RAB44: variants seen among roughly 807,000 people sequenced by gnomAD.
RAB44 encodes the protein RAB44, member RAS oncogene family.
RAB44 carries 67 observed loss-of-function variants against 93.3 expected under a neutral mutation model. The observed-to-expected ratio is 0.72, with a 90% CI of 0.59 to 0.88. RAB44 has a LOEUF of 0.88. Among genes scored for constraint, RAB44 ranks in the 40% least tolerant of loss-of-function variants. RAB44 has a pLI of 0.00. For missense variants in RAB44, 1,064 were observed against 1,261.7 expected, an observed-to-expected ratio of 0.84 and a Z score of 2.37; for synonymous variants, 427 against 520.3, an observed-to-expected ratio of 0.82 and a Z score of 2.44.
chr6:36,717,937 G>T lies in RAB44; in HGVS notation c.642-91G>T. 2 of 703,950 alleles carry T rather than the reference G, an allele frequency of 2.8e-6. No individual in the cohort carries two copies. Among genetic ancestry groups the T allele is most frequent in the Non-Finnish European group, 4.0e-6 (2 of 506,250 alleles). The allele number at this position is 703,950 out of a possible 1,614,324, so 43.6% of individuals were successfully genotyped here. A position where few individuals can be genotyped will look rare whatever the true frequency, so the allele number is the denominator to read the frequency against. On this transcript the variant is annotated intron_variant, in intron 5 of 13. Transcript: ENST00000612677. The surrounding 1 kb of genome is among the most constrained non-coding windows in gnomAD (Gnocchi z 4.1). ...GCAGAGTGAGGAAAGCAATAGGATGGATTCCAAACCCAAGCCCAGACTGCC... is the reference window on the plus strand; with the variant it reads ...GCAGAGTGAGGAAAGCAATAGGATGTATTCCAAACCCAAGCCCAGACTGCC...
Position 36,718,513 on chromosome 6 carries a change from C to T in RAB44, c.753C>T (p.Ala251=). ...LQAESDSRGL[A]LTSQMQDVLE... ...CACAGAGCGACTCTCGGGGCCTGGC[C>T]CTCACCTCCCAGATGCAGGACGTCC... is the stretch of plus-strand genomic sequence containing the variant. Residue 251 remains alanine (A), a synonymous_variant, in exon 7 of 14, where the codon GCC becomes GCT. Coordinates refer to ENST00000612677, the MANE Select transcript of RAB44 (RefSeq NM_001257357.2). 1.6e-6 allele frequency: 2 copies of T among 1,233,490 alleles called. No homozygotes were observed. The highest frequency in any genetic ancestry group is 1.0e-6 in the Non-Finnish European group (1 of 987,946). 76.4% of individuals were successfully genotyped at this position (1,233,490 alleles called of 1,614,324 possible).
At position 36,732,408 on chromosome 6, in the gene RAB44, TA is replaced by T. The variant is rs1212006392; in HGVS notation, c.*316del. On this transcript the variant is annotated 3_prime_UTR_variant, in exon 14 of 14. Transcript: ENST00000612677. Reference sequence around the variant, plus strand: ...CCGCACATCTGTGGGTGTAAAATTTTAGGGAGAATGTGGGGGGGGGGTGTTA... The same window carrying T: ...CCGCACATCTGTGGGTGTAAAATTTTGGGAGAATGTGGGGGGGGGGTGTTA... 1 of 139,720 alleles carries T rather than the reference TA, an allele frequency of 7.2e-6. No homozygotes were observed. The highest frequency in any genetic ancestry group is 1.5e-5 in the Non-Finnish European group (1 of 68,088). 8.7% of individuals were successfully genotyped at this position (139,720 alleles called of 1,614,324 possible).
At chr6:36,702,596 C>T (rs1007567751) in intron 1 of RAB44, among the ~76,000 whole-genome samples, 1 of 152,224 alleles carries the variant, frequency 6.6e-6, no homozygotes, top group Admixed American at 6.5e-5. Flanking sequence ...ACTATTCTGC[C>T]TCGATTCCTT....
At chr6:36,722,850 C>T in intron 9 of RAB44, 117 bp downstream of exon 9, 1 of 1,192,058 alleles carries the variant, frequency 8.4e-7, no homozygotes, top group Non-Finnish European at 1.2e-6. Flanking sequence ...CTGCCCTGGC[C>T]ACGGGCCCTG....
At chr6:36,723,166 T>C (rs563954351) in intron 9 of RAB44, among the ~76,000 whole-genome samples, 1 of 152,302 alleles carries the variant, frequency 6.6e-6, no homozygotes, top group African/African-American at 2.4e-5. Flanking sequence ...ACAGAATGTA[T>C]TTGTAGAGTG....
chr6:36,722,481 C>T lies in RAB44; in HGVS notation c.2347C>T (p.His783Tyr). ...ACCCAGGCCATCCCTCACGACTGCT[C>T]ACGCAGAAGAACAAGGCCCGCCTCA... is the stretch of plus-strand genomic sequence containing the variant. ...AQPRPSLTTA[H>Y]AEEQGPPHSR... is the part of the protein sequence containing the mutation. Residue 783 changes from histidine (H) to tyrosine (Y), a missense_variant, in exon 9 of 14, where the codon CAC (histidine) becomes TAC (tyrosine). Transcript: ENST00000612677. 1.4e-6 allele frequency: 2 copies of T among 1,473,774 alleles called. No individual in the cohort carries two copies. Among genetic ancestry groups the T allele is most frequent in the South Asian group, 2.8e-5 (2 of 71,980 alleles). 91.3% of individuals were successfully genotyped at this position (1,473,774 alleles called of 1,614,324 possible).
chr6:36,730,966 C>T (rs889510451), intron 13 of RAB44, among the ~76,000 whole-genome samples: 4 of 152,062 alleles, frequency 2.6e-5, no homozygotes, highest in African/African-American at 9.7e-5. Context: ...CCTTCCCGTT[C>T]GCTGAATCAC....
At position 36,717,170 on chromosome 6, in the gene RAB44, C is replaced by T; in HGVS notation, c.495-103C>T. ...ATAGATTTGGCCCAGGTGCCAAAGTCTCTTGGAGCGCTGCAGTGAAAACTG... is the reference window on the plus strand; with the variant it reads ...ATAGATTTGGCCCAGGTGCCAAAGTTTCTTGGAGCGCTGCAGTGAAAACTG... On this transcript the variant is annotated intron_variant, in intron 4 of 13. Coordinates refer to ENST00000612677, the MANE Select transcript of RAB44 (RefSeq NM_001257357.2). This position sits in a 1 kb window ranked among gnomAD's most constrained non-coding sequence, Gnocchi z 4.1. The T allele has an allele frequency of 3.5e-6, 4 of 1,146,024 alleles. 1 individual carries two copies. In the South Asian group the frequency reaches 1.8e-4, roughly 53 times the overall value. 71.0% of individuals were successfully genotyped at this position (1,146,024 alleles called of 1,614,324 possible). A position where few individuals can be genotyped will look rare whatever the true frequency, so the allele number is the denominator to read the frequency against.
chr6:36,730,590 C>T, intron 12 of RAB44, 83 bp from the exon 13 acceptor site: 1 of 863,122 alleles, frequency 1.2e-6, no homozygotes, highest in Non-Finnish European at 1.5e-6. Context: ...ACTCTGATGG[C>T]CGGGACTTTA....
chr6:36,716,469 CAAAAA>C (rs567193522), intron 4 of RAB44, among the ~76,000 whole-genome samples: 47 of 76,260 alleles, frequency 6.2e-4, no homozygotes, highest in African/African-American at 1.8e-3. Context: ...GACTCTGTCT[CAAAAA>C]AAAAAAAAAA....
In RAB44 at chr6:36,718,101, C is replaced by T; in HGVS notation, c.715C>T (p.Gln239Ter). Residue 239 changes from glutamine to a stop codon, truncating the protein, a stop_gained, in exon 6 of 14, where the codon CAG becomes TAG. Coordinates refer to ENST00000612677, the MANE Select transcript of RAB44 (RefSeq NM_001257357.2). LOFTEE classifies it high-confidence loss of function. ...EMEQQIRQEK[Q>*]QLQAESDSRG... The stretch of plus-strand genomic sequence containing the variant: ...GGAGCAGCAGATCCGCCAGGAGAAG[C>T]AGCAGCTGCAGGCTGAGGTGGGCTC... 8.1e-7 allele frequency: 1 copy of T among 1,232,382 alleles called. No individual in the cohort carries two copies. The highest frequency in any genetic ancestry group is 1.0e-6 in the Non-Finnish European group (1 of 988,168). The allele number at this position is 1,232,382 out of a possible 1,614,324, so 76.3% of individuals were successfully genotyped here.
chr6:36,705,575 G>T (rs1219635442), intron 2 of RAB44, among the ~76,000 whole-genome samples: 1 of 152,112 alleles, frequency 6.6e-6, no homozygotes, highest in African/African-American at 2.4e-5. Flanking sequence ...TAGAGACGGG[G>T]TTTCACCATG....
rs527535825 is a variant in RAB44 at position 36,717,812 on chromosome 6, C to T, written c.642-216C>T. On this transcript the variant is annotated intron_variant, in intron 5 of 13. Coordinates refer to ENST00000612677, the MANE Select transcript of RAB44 (RefSeq NM_001257357.2). The surrounding 1 kb of genome is among the most constrained non-coding windows in gnomAD (Gnocchi z 4.1). ...GGGAACTGGTGACGGTTACAAGGGTCGGCGTGGTAGGATCAGCAGGACCAA... is the reference window on the plus strand; with the variant it reads ...GGGAACTGGTGACGGTTACAAGGGTTGGCGTGGTAGGATCAGCAGGACCAA... Among the ~76,000 whole-genome samples, 9 of 151,122 alleles carry T rather than the reference C, an allele frequency of 6.0e-5. No homozygotes were observed. In the East Asian group the frequency reaches 1.4e-3, roughly 23 times the overall value.
chr6:36,717,973 G>T lies in RAB44; in HGVS notation c.642-55G>T. ...CAAGCCCAGACTGCCCCTGCCAGCA[G>T]CAGGCTCCCAGAGGTGCTGATGGGC... On this transcript the variant is annotated intron_variant, in intron 5 of 13. Coordinates refer to ENST00000612677, the MANE Select transcript of RAB44 (RefSeq NM_001257357.2). This position sits in a 1 kb window ranked among gnomAD's most constrained non-coding sequence, Gnocchi z 4.1. 1 of 1,123,788 alleles carries T rather than the reference G, an allele frequency of 8.9e-7. No individual in the cohort carries two copies. Among genetic ancestry groups the T allele is most frequent in the Non-Finnish European group, 1.1e-6 (1 of 889,156 alleles). The allele number at this position is 1,123,788 out of a possible 1,614,324, so 69.6% of individuals were successfully genotyped here. A position where few individuals can be genotyped will look rare whatever the true frequency, so the allele number is the denominator to read the frequency against.
In RAB44 at chr6:36,715,492, C is replaced by T. The variant is rs1486303371; in HGVS notation, c.333C>T (p.Gly111=). The T allele has an allele frequency of 6.5e-7, 1 of 1,536,014 alleles. No individual in the cohort carries two copies. The highest frequency in any genetic ancestry group is 8.7e-7 in the Non-Finnish European group (1 of 1,146,906). ...TCTGTCCCACAGAAAACATCTTTGGCTCCAGCCAGAGCCCCCACAGGCTCC... is the reference window on the plus strand; with the variant it reads ...TCTGTCCCACAGAAAACATCTTTGGTTCCAGCCAGAGCCCCCACAGGCTCC... The part of the protein sequence containing the change: ...EFSSGLKNIF[G]SSQSPHRLRR... The change falls in exon 4 of 14, where the codon GGC becomes GGT. Residue 111 remains glycine, a synonymous_variant. Transcript: ENST00000612677.
At chr6:36,724,179 A>T (rs144442620) in intron 9 of RAB44, among the ~76,000 whole-genome samples, 31 of 143,846 alleles carry the variant, frequency 2.2e-4, no homozygotes, top group Admixed American at 1.2e-3. Context: ...TTATTTATTT[A>T]TTTTTTGAGA....
chr6:36,717,955 A>G lies in RAB44; in HGVS notation c.642-73A>G. ...TAGGATGGATTCCAAACCCAAGCCCAGACTGCCCCTGCCAGCAGCAGGCTC... is the reference window on the plus strand; with the variant it reads ...TAGGATGGATTCCAAACCCAAGCCCGGACTGCCCCTGCCAGCAGCAGGCTC... On this transcript the variant is annotated intron_variant, in intron 5 of 13. Coordinates refer to ENST00000612677, the MANE Select transcript of RAB44 (RefSeq NM_001257357.2). This position sits in a 1 kb window ranked among gnomAD's most constrained non-coding sequence, Gnocchi z 4.1. The G allele has an allele frequency of 1.1e-6, 1 of 949,694 alleles. No individual in the cohort carries two copies. The highest frequency in any genetic ancestry group is 1.4e-6 in the Non-Finnish European group (1 of 730,338). The allele number at this position is 949,694 out of a possible 1,614,324, so 58.8% of individuals were successfully genotyped here. A position where few individuals can be genotyped will look rare whatever the true frequency, so the allele number is the denominator to read the frequency against.
chr6:36,715,392 C>T, intron 3 of RAB44, 87 bp from the exon 4 acceptor site: 1 of 1,243,096 alleles, frequency 8.0e-7, no homozygotes, highest in South Asian at 1.4e-5. Flanking sequence ...GAATTACTTC[C>T]CTGAGGGCTG....
At chr6:36,699,937 A>G (rs1347082493) in intron 1 of RAB44, among the ~76,000 whole-genome samples, 1 of 152,258 alleles carries the variant, frequency 6.6e-6, no homozygotes, top group African/African-American at 2.4e-5. Context: ...ATATTTGCAG[A>G]GTACCAACTG....
Sources: gnomAD v4.1 joint callset for allele counts (sites outside exome capture counted in the v4.1 genomes callset) on GRCh38, gnomAD v4.1.1 for gene constraint, Gnocchi (gnomAD v3.1) non-coding constraint, MANE v1.5 for transcripts, NCBI Gene and HGNC (gene_info 2026-07-23, HGNC 2026-07-21) for gene names.